CSMD1: variants seen among roughly 807,000 people sequenced by gnomAD.
CSMD1 encodes CUB and sushi domain-containing protein 1.
A neutral mutation model predicts 417.5 loss-of-function variants in CSMD1; 213 were observed. The observed-to-expected ratio is 0.51, with a 90% CI of 0.46 to 0.57. The LOEUF (loss-of-function observed/expected upper bound fraction) is 0.57. CSMD1 is among the 20% of genes least tolerant of loss of function. The pLI, the probability that CSMD1 is intolerant of heterozygous loss-of-function variation, is 0.00. For synonymous variants in CSMD1, 2,862 were observed against 1,736.8 expected (o/e 1.65, Z -16.11); for missense variants, 6,923 against 4,529.7 (o/e 1.53, Z -15.17).
At chr8:4,306,134 G>C (rs571182280) in intron 3 of CSMD1, among the ~76,000 whole-genome samples, 1 of 152,314 alleles carries the variant, frequency 6.6e-6, no homozygotes, top group South Asian at 2.1e-4. Context: ...TGAATAGTCT[G>C]TGTAGATTTT....
chr8:3,582,468 A>T (rs145035274), intron 9 of CSMD1, among the ~76,000 whole-genome samples: 26 of 152,246 alleles, frequency 1.7e-4, no homozygotes, highest in African/African-American at 6.3e-4. Flanking sequence ...GCCAGCCAGG[A>T]AGTGGGGCAC....
At chr8:4,209,912 A>G (rs913676884) in intron 3 of CSMD1, among the ~76,000 whole-genome samples, 1 of 152,202 alleles carries the variant, frequency 6.6e-6, no homozygotes, top group Admixed American at 6.5e-5. Flanking sequence ...GTCTCCATGG[A>G]AAGCGGTGAC....
intron 49 of CSMD1, among the ~76,000 whole-genome samples, chr8:3,073,243 T>C (rs1173510016): frequency 6.6e-6 from 1 of 152,228 alleles, no homozygotes; most frequent in Non-Finnish European, 1.5e-5. Flanking sequence ...AAATCATGCA[T>C]GTAAACAGAA....
At chr8:3,671,119 G>C (rs1055774438) in intron 7 of CSMD1, among the ~76,000 whole-genome samples, 1 of 146,358 alleles carries the variant, frequency 6.8e-6, no homozygotes, top group Non-Finnish European at 1.5e-5. Context: ...ATATGTATAT[G>C]GGATATATAT....
chr8:4,800,970 T>A (rs1029544452), intron 1 of CSMD1, among the ~76,000 whole-genome samples: 1 of 152,228 alleles, frequency 6.6e-6, no homozygotes, highest in African/African-American at 2.4e-5. Flanking sequence ...ACTTCTTTCC[T>A]TAGTTTTATC....
At chr8:4,225,264 A>C (rs1031397879) in intron 3 of CSMD1, among the ~76,000 whole-genome samples, 2 of 152,216 alleles carry the variant, frequency 1.3e-5, no homozygotes, top group African/African-American at 4.8e-5. Context: ...ATTTTCTTCA[A>C]AATAGAAAAA....
intron 3 of CSMD1, among the ~76,000 whole-genome samples, chr8:4,033,202 A>T (rs1797443584): frequency 7.0e-6 from 1 of 143,390 alleles, no homozygotes; most frequent in East Asian, 2.2e-4. Context: ...GCACTTTGGG[A>T]GGCCGAGGCA....
intron 3 of CSMD1, among the ~76,000 whole-genome samples, chr8:4,277,595 T>C (rs1796558796): frequency 6.6e-6 from 1 of 152,174 alleles, no homozygotes; most frequent in Non-Finnish European, 1.5e-5. Context: ...AAACAGCAAG[T>C]TCACTATGAG....
intron 5 of CSMD1, among the ~76,000 whole-genome samples, chr8:3,995,434 C>T (rs939962016): frequency 5.3e-5 from 8 of 152,184 alleles, no homozygotes; most frequent in Non-Finnish European, 1.0e-4. Context: ...ATCTTTACCC[C>T]GACAGTTACC....
intron 3 of CSMD1, among the ~76,000 whole-genome samples, chr8:4,066,642 G>C (rs149854229): frequency 6.6e-6 from 1 of 152,334 alleles, no homozygotes; most frequent in East Asian, 1.9e-4. Flanking sequence ...ACAGCTCTTT[G>C]TGGATGTTTT....
chr8:4,726,925 T>A (rs62484590), intron 1 of CSMD1, among the ~76,000 whole-genome samples: 4,032 of 152,208 alleles, frequency 0.026, 76 homozygotes, highest in Middle Eastern at 0.041. Context: ...TTTATGAATT[T>A]CTTCTGGGGA....
intron 9 of CSMD1, among the ~76,000 whole-genome samples, chr8:3,575,809 A>T (rs766384912): frequency 3.0e-4 from 45 of 151,272 alleles, no homozygotes; most frequent in Non-Finnish European, 2.8e-4. Flanking sequence ...CTGGAATACA[A>T]AAATAATTTA....
At chr8:3,443,930 C>A (rs77594284) in intron 12 of CSMD1, among the ~76,000 whole-genome samples, 1 of 152,048 alleles carries the variant, frequency 6.6e-6, no homozygotes, top group African/African-American at 2.4e-5. Context: ...ATTCTAATTC[C>A]ACCTTTATCA....
intron 3 of CSMD1, among the ~76,000 whole-genome samples, chr8:4,309,148 A>C (rs969752058): frequency 3.3e-5 from 5 of 152,158 alleles, no homozygotes; most frequent in African/African-American, 1.2e-4. Context: ...ACACAGGCCA[A>C]TTCAACAACT....
At position 3,907,117 on chromosome 8, in the gene CSMD1, C is replaced by T. The variant is rs184970847; in HGVS notation, c.818+90786G>A. On this transcript the variant is annotated intron_variant, in intron 5 of 69. Coordinates refer to ENST00000635120, the MANE Select transcript of CSMD1 (RefSeq NM_033225.6). ...CAAAATCCCTTCTTCTTCGGCTTCC[C>T]ACTATTCATAAACATTACTTTTCAT... Among the ~76,000 whole-genome samples, 3 of 152,274 alleles carry T rather than the reference C, an allele frequency of 2.0e-5. No homozygotes were observed. In the East Asian group the frequency reaches 5.8e-4, roughly 29 times the overall value.
chr8:3,428,668 A>G (rs1814010813), intron 12 of CSMD1, among the ~76,000 whole-genome samples: 1 of 152,174 alleles, frequency 6.6e-6, no homozygotes, highest in African/African-American at 2.4e-5. Flanking sequence ...AAAGTAAAAA[A>G]GAACTATCAT....
At chr8:4,861,144 G>A (rs1585226545) in intron 1 of CSMD1, among the ~76,000 whole-genome samples, 1 of 152,028 alleles carries the variant, frequency 6.6e-6, no homozygotes, top group South Asian at 2.1e-4. Flanking sequence ...GTGAATGTTC[G>A]TTGAACAAAT....
intron 54 of CSMD1, among the ~76,000 whole-genome samples, chr8:2,992,289 G>A (rs1017840269): frequency 6.6e-5 from 10 of 152,164 alleles, no homozygotes; most frequent in Non-Finnish European, 5.9e-5. Flanking sequence ...TATGGGCTTA[G>A]CGTTTTGTTT....
intron 3 of CSMD1, among the ~76,000 whole-genome samples, chr8:4,209,375 T>C (rs1800167155): frequency 6.6e-6 from 1 of 152,116 alleles, no homozygotes. Flanking sequence ...TAGATTCCCA[T>C]CCTTCTGATG....
Sources: gnomAD v4.1 joint callset for allele counts (sites outside exome capture counted in the v4.1 genomes callset) on GRCh38, gnomAD v4.1.1 for gene constraint, MANE v1.5 for transcripts, NCBI Gene and HGNC (gene_info 2026-07-23, HGNC 2026-07-21) for gene names.